FZD6: variants seen among roughly 807,000 people sequenced by gnomAD.
FZD6 encodes frizzled-6.
FZD6 carries 49 observed loss-of-function variants against 61.4 expected under a neutral mutation model. The ratio of observed to expected loss-of-function variants is 0.80; its 90% CI spans 0.63 to 1.01. The LOEUF is 1.01. FZD6 is among the 50% of genes least tolerant of loss of function. FZD6 has a pLI of 0.00. For synonymous variants in FZD6, 265 were observed against 292.2 expected (o/e 0.91, Z 0.95); for missense variants, 724 against 848.2 (o/e 0.85, Z 1.82).
Position 103,329,875 on chromosome 8 carries a change from G to T in FZD6, c.1762G>T (p.Glu588Ter), listed in dbSNP as rs1231505920. ...HDYLGQETLT[E>*]IQTSPETSMR... The stretch of plus-strand genomic sequence containing the variant: ...TTACCTAGGACAAGAAACTTTGACA[G>T]AAATCCAAACCTCACCAGAAACATC... Residue 588 changes from glutamate (E) to a stop codon, truncating the protein, a stop_gained, in exon 6 of 7, where the codon GAA becomes TAA. Coordinates refer to ENST00000358755, the MANE Select transcript of FZD6 (RefSeq NM_003506.4). LOFTEE classifies it high-confidence loss of function. The T allele has an allele frequency of 2.5e-6, 4 of 1,614,022 alleles. No individual in the cohort carries two copies. The highest frequency in any genetic ancestry group is 1.3e-5 in the African/African-American group (1 of 74,928).
At chr8:103,330,133 A>AT (rs1376318048) in intron 6 of FZD6, 68 bp downstream of exon 6, 1 of 1,368,840 alleles carries the variant, frequency 7.3e-7, no homozygotes, top group Admixed American at 1.7e-5. Context: ...TTATTAAAGC[A>AT]TAACACATTT....
intron 2 of FZD6, among the ~76,000 whole-genome samples, chr8:103,311,021 GA>G (rs138797802): frequency 0.065 from 9,863 of 152,202 alleles, 423 homozygotes; most frequent in African/African-American, 0.11. Flanking sequence ...TGACTAAGCA[GA>G]AAATTGATGG....
At chr8:103,312,307 A>G (rs981738534) in intron 2 of FZD6, among the ~76,000 whole-genome samples, 1 of 152,252 alleles carries the variant, frequency 6.6e-6, no homozygotes, top group Non-Finnish European at 1.5e-5. Context: ...AATAGTTATT[A>G]GATGAGTTTT....
intron 2 of FZD6, among the ~76,000 whole-genome samples, chr8:103,307,565 A>C (rs1199931965): frequency 1.3e-5 from 2 of 152,158 alleles, no homozygotes; most frequent in Admixed American, 1.3e-4. Flanking sequence ...ATTTTCTTAG[A>C]TTACTTTTTT....
At position 103,331,521 on chromosome 8, in the gene FZD6, T is replaced by C; in HGVS notation, c.*12T>C. 1 of 1,590,704 alleles carries C rather than the reference T, an allele frequency of 6.3e-7. No individual in the cohort carries two copies. Among genetic ancestry groups the C allele is most frequent in the Non-Finnish European group, 8.6e-7 (1 of 1,158,872 alleles). ...ATTCAGATACTTGAAGAACATTTTC[T>C]CTCGTTACTCAGAAGCAAATTTGTG... is the stretch of plus-strand genomic sequence containing the variant. On this transcript the variant is annotated 3_prime_UTR_variant, in exon 7 of 7. Transcript: ENST00000358755.
chr8:103,313,548 A>G (rs1296104510), intron 2 of FZD6, among the ~76,000 whole-genome samples: 1 of 152,198 alleles, frequency 6.6e-6, no homozygotes. Flanking sequence ...TATTTAGTAT[A>G]TCGGCCTCCT....
chr8:103,331,003 C>A (rs370418376), intron 6 of FZD6, among the ~76,000 whole-genome samples: 18 of 152,234 alleles, frequency 1.2e-4, no homozygotes, highest in African/African-American at 3.9e-4. Flanking sequence ...TGGTGAAACC[C>A]CATCTCTACT....
rs201722238 is a variant in FZD6, at chr8:103,326,637, TAA to T, written c.1392+1142_1392+1143del. On this transcript the variant is annotated intron_variant, in intron 4 of 6. Transcript: ENST00000358755. ...AATATTCCTGTAGTTGTAGAAATTA[TAA>T]AAGATTGCTAAATTTGACTAAGTAA... Among the ~76,000 whole-genome samples the T allele has an allele frequency of 6.3e-3, 947 of 149,762 alleles. 8 individuals carry two copies. Among genetic ancestry groups the T allele is most frequent in the African/African-American group, 0.022 (880 of 40,884 alleles).
At chr8:103,314,730 G>A (rs1272420841) in intron 2 of FZD6, among the ~76,000 whole-genome samples, 1 of 152,132 alleles carries the variant, frequency 6.6e-6, no homozygotes, top group East Asian at 1.9e-4. Context: ...CTTGTTAATT[G>A]TAGTCTGTAA....
intron 6 of FZD6, among the ~76,000 whole-genome samples, chr8:103,330,852 G>A (rs948639667): frequency 1.3e-5 from 2 of 152,170 alleles, no homozygotes; most frequent in African/African-American, 4.8e-5. Context: ...AGTGCTTGAT[G>A]AAGTTTCTGA....
chr8:103,312,824 A>C (rs1246505998), intron 2 of FZD6, among the ~76,000 whole-genome samples: 1 of 152,226 alleles, frequency 6.6e-6, no homozygotes, highest in Non-Finnish European at 1.5e-5. Flanking sequence ...GAGATAACGC[A>C]TCATCTGGAA....
chr8:103,298,852 G>T, upstream of FZD6: 1 of 163,256 alleles, frequency 6.1e-6, no homozygotes, highest in South Asian at 1.7e-4. Context: ...GCAGTCTCGC[G>T]GGATCGCTCA....
At chr8:103,301,308 C>T (rs1405483390) in intron 2 of FZD6, among the ~76,000 whole-genome samples, 1 of 151,938 alleles carries the variant, frequency 6.6e-6, no homozygotes, top group Non-Finnish European at 1.5e-5. Context: ...TGTTATCTTT[C>T]AGTGGTTTTT....
chr8:103,305,736 G>A (rs867936990), intron 2 of FZD6, among the ~76,000 whole-genome samples: 5 of 152,182 alleles, frequency 3.3e-5, no homozygotes, highest in African/African-American at 4.8e-5. Context: ...ACCTTCCTTC[G>A]TGATGTTGCA....
intron 2 of FZD6, among the ~76,000 whole-genome samples, chr8:103,317,203 CAG>C (rs1294764526): frequency 6.6e-6 from 1 of 152,026 alleles, no homozygotes; most frequent in African/African-American, 2.4e-5. Context: ...GACTCTGAGA[CAG>C]AAATACACAT....
intron 2 of FZD6, among the ~76,000 whole-genome samples, chr8:103,303,605 G>T (rs891538574): frequency 3.3e-5 from 5 of 152,010 alleles, no homozygotes; most frequent in African/African-American, 9.7e-5. Context: ...GAAAAAGGTA[G>T]GATTTTATGT....
chr8:103,303,271 T>A (rs1445203628), intron 2 of FZD6, among the ~76,000 whole-genome samples: 1 of 152,208 alleles, frequency 6.6e-6, no homozygotes, highest in Non-Finnish European at 1.5e-5. Context: ...CCTCTGTATC[T>A]TTACACACAC....
At chr8:103,312,213 C>A (rs988560586) in intron 2 of FZD6, among the ~76,000 whole-genome samples, 4 of 152,124 alleles carry the variant, frequency 2.6e-5, no homozygotes, top group African/African-American at 4.8e-5. Flanking sequence ...CTTAAAGGAG[C>A]CTACCTTTTA....
At chr8:103,328,222 C>T in intron 4 of FZD6, 46 bp from the exon 5 acceptor site, 1 of 1,452,400 alleles carries the variant, frequency 6.9e-7, no homozygotes, top group Non-Finnish European at 9.7e-7. Flanking sequence ...CTTCTTTCCA[C>T]TTTAAGTGCA....
Sources: allele counts gnomAD v4.1 joint callset (sites outside exome capture counted in the v4.1 genomes callset), GRCh38; gene constraint gnomAD v4.1.1; transcripts MANE v1.5; gene names NCBI Gene and HGNC (gene_info 2026-07-23, HGNC 2026-07-21).